The following SEL1L variants were observed in gnomAD, a reference collection of about 807,000 sequenced individuals.
The protein encoded by SEL1L is SEL1L adaptor subunit of SYVN1 ubiquitin ligase.
In SEL1L, 52 loss-of-function variants were observed where a neutral mutation model predicts 109.8. The ratio of observed to expected loss-of-function variants is 0.47; its 90% confidence interval spans 0.38 to 0.60. SEL1L has a LOEUF of 0.60. Ranked by LOEUF, SEL1L falls within the 20% of genes least tolerant of loss-of-function variation. The probability of loss-of-function intolerance (pLI) is 0.00; values close to 1 mark genes in which losing one functional copy is unlikely to be tolerated. For missense variants in SEL1L, 749 were observed against 962.2 expected, an observed-to-expected ratio of 0.78 and a Z score of 2.93; for synonymous variants, 373 against 339.6, an observed-to-expected ratio of 1.10 and a Z score of -1.08.
intron 20 of SEL1L, 23 bp from the exon 21 acceptor site, chr14:81,477,204 C>A: frequency 1.3e-6 from 2 of 1,555,626 alleles, no homozygotes; most frequent in Non-Finnish European, 1.8e-6. Flanking sequence ...AATATAGAAA[C>A]CATTATTATC....
At chr14:81,478,520 T>C (rs1054667471) in intron 20 of SEL1L, among the ~76,000 whole-genome samples, 3 of 152,128 alleles carry the variant, frequency 2.0e-5, no homozygotes, top group Non-Finnish European at 2.9e-5. Flanking sequence ...TTGTGAGAGA[T>C]AAAGGTCTGA....
intron 1 of SEL1L, among the ~76,000 whole-genome samples, chr14:81,528,405 C>A (rs1885196782): frequency 6.6e-6 from 1 of 152,134 alleles, no homozygotes; most frequent in Non-Finnish European, 1.5e-5. Context: ...AAAACAGCCA[C>A]CGGTTACACC....
At chr14:81,509,338 A>G (rs1193325656) in intron 3 of SEL1L, among the ~76,000 whole-genome samples, 3 of 152,262 alleles carry the variant, frequency 2.0e-5, no homozygotes, top group African/African-American at 4.8e-5. Context: ...CTGCTCTGGT[A>G]TAATGAAGCT....
At position 81,498,441 on chromosome 14, in the gene SEL1L, C is replaced by T; in HGVS notation, c.945G>A (p.Leu315=). The T allele has an allele frequency of 6.2e-7, 1 of 1,613,848 alleles. No homozygotes were observed. The highest frequency in any genetic ancestry group is 8.5e-7 in the Non-Finnish European group (1 of 1,179,918). ...GATTGGCAACAAGACGATAGTGAGT[C>T]AGGGCAGATTCACAACTCTGGAGGA... is the stretch of plus-strand genomic sequence containing the variant. ...IGVLQSCESA[L]THYRLVANHV... Residue 315 remains leucine (L), a synonymous_variant, in exon 9 of 21, where the codon CTG becomes CTA. Transcript: ENST00000336735.
rs1270943149 is a variant in SEL1L, at chr14:81,506,215, G to A, written c.367C>T (p.His123Tyr). Reference sequence around the variant, plus strand: ...AAAGGGAAGTGGCAGGGCTCCCCATGTGCTGTGCCTTCAATGGCGGTCAAA... The same window carrying A: ...AAAGGGAAGTGGCAGGGCTCCCCATATGCTGTGCCTTCAATGGCGGTCAAA... ...PALTAIEGTAHGEPCHFPFLF... is the reference protein window; with the variant it reads ...PALTAIEGTAYGEPCHFPFLF... The change falls in exon 4 of 21, where the codon CAT (histidine) becomes TAT (tyrosine). Residue 123 changes from histidine (H) to tyrosine (Y), a missense_variant. By Grantham distance (83) the His-to-Tyr change is moderately conservative (BLOSUM62 2). Coordinates refer to ENST00000336735, the MANE Select transcript of SEL1L (RefSeq NM_005065.6). The A allele has an allele frequency of 6.2e-7, 1 of 1,608,288 alleles. No individual in the cohort carries two copies. The highest frequency in any genetic ancestry group is 2.2e-5 in the East Asian group (1 of 44,624).
intron 3 of SEL1L, among the ~76,000 whole-genome samples, chr14:81,516,919 C>T (rs1421333602): frequency 6.6e-6 from 1 of 152,118 alleles, no homozygotes; most frequent in Non-Finnish European, 1.5e-5. Context: ...TTGCTTTGTC[C>T]CCTTTTGCTG....
intron 11 of SEL1L, among the ~76,000 whole-genome samples, chr14:81,494,553 A>C (rs1883667252): frequency 6.6e-6 from 1 of 152,158 alleles, no homozygotes; most frequent in Non-Finnish European, 1.5e-5. Context: ...CTATGGGCAG[A>C]CCAGTCATAT....
chr14:81,518,647 C>T lies in SEL1L; in HGVS notation c.340+8086G>A, dbSNP rs1014241125. Among the ~76,000 whole-genome samples the T allele has an allele frequency of 4.7e-4, 55 of 116,086 alleles. 1 individual carries two copies. The highest frequency in any genetic ancestry group is 1.6e-3 in the East Asian group (7 of 4,296). The allele number at this position is 116,086 out of a possible 152,430, so 76.2% of individuals were successfully genotyped here. A position where few individuals can be genotyped will look rare whatever the true frequency, so the allele number is the denominator to read the frequency against. ...TGCACTCCAACCTGGGGGACAAGAG[C>T]GAGACTTCGTCTAAAAAAAAAAAAA... On this transcript the variant is annotated intron_variant, in intron 3 of 20. Transcript: ENST00000336735.
chr14:81,527,679 C>T (rs760169877), intron 2 of SEL1L, 22 bp downstream of exon 2: 2 of 1,569,546 alleles, frequency 1.3e-6, no homozygotes, highest in African/African-American at 1.4e-5. Flanking sequence ...AAATACTGGC[C>T]AATACACATT....
At chr14:81,497,589 G>A (rs977196486) in intron 10 of SEL1L, among the ~76,000 whole-genome samples, 5 of 152,240 alleles carry the variant, frequency 3.3e-5, no homozygotes, top group African/African-American at 4.8e-5. Flanking sequence ...CTTCATCATC[G>A]GTGTTAATGC....
chr14:81,499,325 G>A (rs1883905656), intron 8 of SEL1L, 134 bp downstream of exon 8: 2 of 1,419,484 alleles, frequency 1.4e-6, no homozygotes, highest in East Asian at 2.5e-5. Context: ...ACAAGAATTT[G>A]AAGGAAGTTC....
At chr14:81,516,918 C>T (rs1187811258) in intron 3 of SEL1L, among the ~76,000 whole-genome samples, 2 of 152,144 alleles carry the variant, frequency 1.3e-5, no homozygotes, top group Admixed American at 6.5e-5. Context: ...TTTGCTTTGT[C>T]CCCTTTTGCT....
At chr14:81,524,280 T>C (rs1242316720) in intron 3 of SEL1L, among the ~76,000 whole-genome samples, 1 of 152,210 alleles carries the variant, frequency 6.6e-6, no homozygotes, top group Non-Finnish European at 1.5e-5. Context: ...TGATACCACC[T>C]GACCTCGCTA....
intron 3 of SEL1L, among the ~76,000 whole-genome samples, chr14:81,515,651 A>G (rs1031128857): frequency 1.3e-5 from 2 of 152,216 alleles, no homozygotes; most frequent in Admixed American, 6.5e-5. Context: ...TAACTCAGGG[A>G]AAGGAAGAAA....
intron 5 of SEL1L, among the ~76,000 whole-genome samples, 200 bp downstream of exon 5, chr14:81,504,001 T>A (rs1332060018): frequency 1.3e-5 from 2 of 152,200 alleles, no homozygotes; most frequent in Non-Finnish European, 2.9e-5. Context: ...GTTACTGTAA[T>A]CAGTATAACA....
At position 81,490,340 on chromosome 14, in the gene SEL1L, A is replaced by G. The variant is rs747437174; in HGVS notation, c.1332+48T>C. On this transcript the variant is annotated intron_variant, in intron 13 of 20. Coordinates refer to ENST00000336735, the MANE Select transcript of SEL1L (RefSeq NM_005065.6). Reference sequence around the variant, plus strand: ...TAATATAACAAATTCATTTATTAAAATATTAGTAATATGGTACACATTTCA... The same window carrying G: ...TAATATAACAAATTCATTTATTAAAGTATTAGTAATATGGTACACATTTCA... 6.6e-6 allele frequency: 9 copies of G among 1,359,050 alleles called. No homozygotes were observed. In the South Asian group the frequency reaches 9.7e-5, roughly 15 times the overall value. The allele number at this position is 1,359,050 out of a possible 1,614,324, so 84.2% of individuals were successfully genotyped here.
At chr14:81,501,151 A>G (rs890817117) in intron 6 of SEL1L, among the ~76,000 whole-genome samples, 15 of 152,334 alleles carry the variant, frequency 9.8e-5, no homozygotes, top group Admixed American at 7.2e-4. Context: ...GTGTAGCTAC[A>G]TAATAGAAAC....
chr14:81,526,459 T>C (rs1885117948), intron 3 of SEL1L, among the ~76,000 whole-genome samples: 1 of 152,208 alleles, frequency 6.6e-6, no homozygotes, highest in African/African-American at 2.4e-5. Context: ...GAAATGTATT[T>C]ACATACTTGA....
At chr14:81,526,293 A>G (rs1595537506) in intron 3 of SEL1L, among the ~76,000 whole-genome samples, 2 of 152,192 alleles carry the variant, frequency 1.3e-5, no homozygotes, top group Admixed American at 6.5e-5. Context: ...AGGGATAAAC[A>G]CCTAAATCAA....
Sources: gnomAD v4.1 joint callset for allele counts (sites outside exome capture counted in the v4.1 genomes callset) on GRCh38, gnomAD v4.1.1 for gene constraint, MANE v1.5 for transcripts, NCBI Gene and HGNC (gene_info 2026-07-23, HGNC 2026-07-21) for gene names.